Variants in C1orf21 observed in about 807,000 individuals in gnomAD.
C1orf21 encodes chromosome 1 open reading frame 21.
C1orf21 carries 3 observed loss-of-function variants against 18.7 expected under a neutral mutation model. The ratio of observed to expected loss-of-function variants is 0.16; its 90% CI spans 0.07 to 0.42. The LOEUF (loss-of-function observed/expected upper bound fraction) is 0.42, where lower values mean the gene tolerates loss of function less well. C1orf21 is among the 10% of genes least tolerant of loss of function. C1orf21 has a pLI of 0.99. For synonymous variants in C1orf21, 41 were observed against 46.4 expected (o/e 0.88, Z 0.47); for missense variants, 104 against 143.6 (o/e 0.72, Z 1.41).
intron 3 of C1orf21, chr1:184,567,688 A>G: frequency 2.7e-6 from 1 of 376,174 alleles, no homozygotes; most frequent in Non-Finnish European, 5.3e-6. Context: ...TCAAGCAGAG[A>G]TTTTTCCAGG....
At chr1:184,557,426 A>G (rs1658895050) in intron 3 of C1orf21, among the ~76,000 whole-genome samples, 1 of 152,086 alleles carries the variant, frequency 6.6e-6, no homozygotes. Context: ...CTGAATCCCC[A>G]AAGTCCATTG....
chr1:184,612,722 C>G (rs1351944052), intron 5 of C1orf21, among the ~76,000 whole-genome samples: 3 of 152,168 alleles, frequency 2.0e-5, no homozygotes, highest in Non-Finnish European at 4.4e-5. Context: ...GGAAAGAGAA[C>G]TGGACCTGAT....
chr1:184,397,026 A>C lies in C1orf21; in HGVS notation c.-125+9658A>C, dbSNP rs556409206. ...TGGTTCAGCATCAGTTTGCACAGGG[A>C]AAGTATGTAGAAGAAAACTAAACAG... is the stretch of plus-strand genomic sequence containing the variant. On this transcript the variant is annotated intron_variant, in intron 1 of 5. Coordinates refer to ENST00000235307, the MANE Select transcript of C1orf21 (RefSeq NM_030806.4). Among the ~76,000 whole-genome samples, 26 of 152,254 alleles carry C rather than the reference A, an allele frequency of 1.7e-4. 1 individual carries two copies. Among genetic ancestry groups the C allele is most frequent in the Middle Eastern group, 3.4e-3 (1 of 294 alleles).
In C1orf21 at chr1:184,387,734, T is replaced by A. The variant is rs775845279; in HGVS notation, c.-125+366T>A. Among the ~76,000 whole-genome samples, 7 of 150,150 alleles carry A rather than the reference T, an allele frequency of 4.7e-5. No individual in the cohort carries two copies. The highest frequency in any genetic ancestry group is 7.4e-5 in the Non-Finnish European group (5 of 67,380). On this transcript the variant is annotated intron_variant, in intron 1 of 5. Coordinates refer to ENST00000235307, the MANE Select transcript of C1orf21 (RefSeq NM_030806.4). The surrounding 1 kb of genome is among the most constrained non-coding windows in gnomAD (Gnocchi z 5.6). ...CCTTCCCACCCGCACCCTGCCGCCC[T>A]CAGCCTTCCTGCTCTCCTCTAGCTT... is the stretch of plus-strand genomic sequence containing the variant.
At chr1:184,428,187 G>C (rs1464289788) in intron 1 of C1orf21, among the ~76,000 whole-genome samples, 1 of 152,094 alleles carries the variant, frequency 6.6e-6, no homozygotes, top group Non-Finnish European at 1.5e-5. Context: ...TTAAATATTT[G>C]TGCCTTTTTC....
chr1:184,524,689 A>C (rs536845092), intron 3 of C1orf21, among the ~76,000 whole-genome samples: 1 of 152,232 alleles, frequency 6.6e-6, no homozygotes, highest in Admixed American at 6.5e-5. Context: ...GAATTAGACA[A>C]ATAAATACAG....
intron 3 of C1orf21, among the ~76,000 whole-genome samples, chr1:184,541,164 C>T (rs1188028926): frequency 6.6e-6 from 1 of 152,154 alleles, no homozygotes; most frequent in African/African-American, 2.4e-5. Context: ...CATCTGGCCT[C>T]TTGGAGAAGG....
intron 1 of C1orf21, among the ~76,000 whole-genome samples, chr1:184,410,382 C>T (rs1656313499): frequency 1.3e-5 from 2 of 151,272 alleles, no homozygotes; most frequent in South Asian, 4.2e-4. Context: ...GCGCAATGAA[C>T]ATTTTAGATT....
chr1:184,431,740 C>T (rs962726926), intron 1 of C1orf21, among the ~76,000 whole-genome samples: 11 of 151,984 alleles, frequency 7.2e-5, no homozygotes, highest in African/African-American at 2.7e-4. Flanking sequence ...GGCTAATATC[C>T]AGAATGTACA....
intron 1 of C1orf21, among the ~76,000 whole-genome samples, chr1:184,421,042 A>G (rs569137923): frequency 3.9e-5 from 6 of 152,262 alleles, no homozygotes; most frequent in Admixed American, 2.0e-4. Flanking sequence ...ATTTTCATCT[A>G]TTAACTTCAT....
At chr1:184,412,887 A>G (rs1480601724) in intron 1 of C1orf21, among the ~76,000 whole-genome samples, 1 of 152,230 alleles carries the variant, frequency 6.6e-6, no homozygotes, top group Non-Finnish European at 1.5e-5. Flanking sequence ...AGTTCCTACA[A>G]CTGAGAGAGA....
At chr1:184,596,086 G>A (rs900100042) in intron 4 of C1orf21, among the ~76,000 whole-genome samples, 23 of 152,230 alleles carry the variant, frequency 1.5e-4, no homozygotes, top group Non-Finnish European at 1.9e-4. Context: ...ATTCTTGATC[G>A]CAGAGGTTGC....
chr1:184,424,475 A>G (rs1254189159), intron 1 of C1orf21, among the ~76,000 whole-genome samples: 1 of 152,114 alleles, frequency 6.6e-6, no homozygotes, highest in Non-Finnish European at 1.5e-5. Context: ...TGTCCTGATA[A>G]CCCTTCCCAA....
intron 5 of C1orf21, 127 bp downstream of exon 5, chr1:184,598,588 A>T (rs1659548164): frequency 3.3e-6 from 3 of 899,702 alleles, no homozygotes; most frequent in African/African-American, 3.4e-5. Context: ...GTGGAGAGTT[A>T]AATAAAAGTC....
intron 5 of C1orf21, among the ~76,000 whole-genome samples, chr1:184,617,354 C>T (rs553547656): frequency 1.3e-5 from 2 of 152,280 alleles, no homozygotes; most frequent in East Asian, 3.9e-4. Context: ...ATACTTGGGT[C>T]CATTTGTAAG....
At chr1:184,497,074 G>T (rs748700403) in intron 2 of C1orf21, among the ~76,000 whole-genome samples, 3 of 152,114 alleles carry the variant, frequency 2.0e-5, no homozygotes, top group Admixed American at 2.0e-4. Context: ...TAATCGAACC[G>T]CTCTGAAACC....
chr1:184,546,785 A>G (rs575699969), intron 3 of C1orf21, among the ~76,000 whole-genome samples: 18 of 152,352 alleles, frequency 1.2e-4, no homozygotes, highest in Admixed American at 3.9e-4. Context: ...TGGTTTGGCA[A>G]GCCAGTGGAG....
chr1:184,500,736 G>A (rs1657962853), intron 2 of C1orf21, among the ~76,000 whole-genome samples: 1 of 152,124 alleles, frequency 6.6e-6, no homozygotes. Context: ...AGAAGGAGCT[G>A]GGATCATGAT....
At chr1:184,480,734 G>A (rs1657641388) in intron 2 of C1orf21, among the ~76,000 whole-genome samples, 1 of 152,132 alleles carries the variant, frequency 6.6e-6, no homozygotes, top group Non-Finnish European at 1.5e-5. Flanking sequence ...GCCTTTAAGA[G>A]CACTGTTTTG....
Sources: allele counts gnomAD v4.1 joint callset (sites outside exome capture counted in the v4.1 genomes callset), GRCh38; gene constraint gnomAD v4.1.1; non-coding constraint Gnocchi (gnomAD v3.1); transcripts MANE v1.5; gene names NCBI Gene and HGNC (gene_info 2026-07-23, HGNC 2026-07-21).